The following EPB41L2 variants were observed in gnomAD, a reference collection of about 807,000 sequenced individuals.
EPB41L2 encodes erythrocyte membrane protein band 4.1 like 2.
A neutral mutation model predicts 113.0 loss-of-function variants in EPB41L2; 43 were observed. That is an observed-to-expected ratio of 0.38 (90% CI 0.30 to 0.49). The LOEUF is 0.49. Ranked by LOEUF, EPB41L2 falls within the 20% of genes least tolerant of loss-of-function variation. The pLI is 0.95. For missense variants in EPB41L2, 1,147 were observed against 1,223.4 expected (o/e 0.94, Z 0.93); for synonymous variants, 442 against 436.7 (o/e 1.01, Z -0.15).
intron 1 of EPB41L2, among the ~76,000 whole-genome samples, chr6:130,985,296 G>C (rs562854772): frequency 6.7e-6 from 1 of 149,344 alleles, no homozygotes; most frequent in African/African-American, 2.6e-5. Context: ...AGCCACATTT[G>C]GGGGGGGACT....
intron 1 of EPB41L2, among the ~76,000 whole-genome samples, chr6:131,034,896 A>G (rs556329639): frequency 2.0e-5 from 3 of 152,340 alleles, no homozygotes; most frequent in Non-Finnish European, 2.9e-5. Context: ...AGAAAAATGC[A>G]AAATCAATAT....
chr6:130,943,309 T>C (rs891677235), intron 3 of EPB41L2, among the ~76,000 whole-genome samples: 1 of 152,246 alleles, frequency 6.6e-6, no homozygotes, highest in Admixed American at 6.5e-5. Flanking sequence ...TGAGTACATA[T>C]TTTAAAGTAA....
chr6:130,954,201 C>T (rs1048609000), intron 3 of EPB41L2, among the ~76,000 whole-genome samples: 1 of 151,580 alleles, frequency 6.6e-6, no homozygotes, highest in African/African-American at 2.4e-5. Flanking sequence ...TACTGGCGCC[C>T]GCCACTACGC....
At chr6:130,887,537 A>G (rs978266135) in intron 11 of EPB41L2, among the ~76,000 whole-genome samples, 1 of 152,176 alleles carries the variant, frequency 6.6e-6, no homozygotes, top group African/African-American at 2.4e-5. Flanking sequence ...GCCCTGCATG[A>G]TCTGACCCAG....
chr6:130,933,639 T>A (rs1198130470), intron 3 of EPB41L2, among the ~76,000 whole-genome samples: 3 of 152,104 alleles, frequency 2.0e-5, no homozygotes, highest in African/African-American at 7.2e-5. Flanking sequence ...ATTCAAAAAT[T>A]AGAATGCTAG....
intron 1 of EPB41L2, among the ~76,000 whole-genome samples, chr6:131,009,215 G>A (rs1404921099): frequency 1.5e-4 from 23 of 152,166 alleles, no homozygotes; most frequent in Admixed American, 1.4e-3. Context: ...GTTCTCACGA[G>A]GTCTGATGGT....
intron 1 of EPB41L2, among the ~76,000 whole-genome samples, chr6:130,993,175 A>G (rs1052707546): frequency 2.0e-5 from 3 of 152,190 alleles, no homozygotes; most frequent in Non-Finnish European, 4.4e-5. Context: ...ATTTGATCCT[A>G]GTCACCTTTA....
chr6:130,967,308 A>G (rs1423152787), intron 1 of EPB41L2, among the ~76,000 whole-genome samples: 1 of 152,202 alleles, frequency 6.6e-6, no homozygotes, highest in African/African-American at 2.4e-5. Context: ...CTGAAAAAAA[A>G]ACTCACATAT....
intron 1 of EPB41L2, among the ~76,000 whole-genome samples, chr6:131,041,678 T>C (rs1165686271): frequency 1.3e-5 from 2 of 152,054 alleles, no homozygotes; most frequent in Non-Finnish European, 2.9e-5. Flanking sequence ...TGGGAAACTC[T>C]ATAGAGCAAA....
At chr6:130,856,450 T>G (rs1780231601) in intron 19 of EPB41L2, among the ~76,000 whole-genome samples, 1 of 152,196 alleles carries the variant, frequency 6.6e-6, no homozygotes, top group Non-Finnish European at 1.5e-5. Flanking sequence ...TGTATTTTCA[T>G]AGAAGAGAAA....
chr6:131,026,542 T>C (rs1790902104), intron 1 of EPB41L2, among the ~76,000 whole-genome samples: 1 of 152,232 alleles, frequency 6.6e-6, no homozygotes, highest in African/African-American at 2.4e-5. Flanking sequence ...TGAATCTGTG[T>C]ATCTAAAGCA....
intron 1 of EPB41L2, among the ~76,000 whole-genome samples, chr6:130,995,012 T>C (rs1192840212): frequency 1.3e-5 from 2 of 152,076 alleles, no homozygotes; most frequent in Non-Finnish European, 1.5e-5. Flanking sequence ...CCTACATATG[T>C]TGACTGATGT....
intron 1 of EPB41L2, among the ~76,000 whole-genome samples, chr6:130,988,431 A>G (rs1251112088): frequency 6.6e-6 from 1 of 152,212 alleles, no homozygotes; most frequent in Non-Finnish European, 1.5e-5. Context: ...CCCTGATCCT[A>G]TCATTTGCTA....
intron 1 of EPB41L2, among the ~76,000 whole-genome samples, chr6:131,061,511 C>G (rs9483208): frequency 8.5e-5 from 13 of 152,186 alleles, no homozygotes; most frequent in African/African-American, 3.1e-4. Flanking sequence ...TGGCCCTTAT[C>G]ACAATTCAAG....
Position 130,892,876 on chromosome 6 carries a change from T to A in EPB41L2, c.1487+1468A>T, listed in dbSNP as rs555145295. Among the ~76,000 whole-genome samples the A allele has an allele frequency of 3.9e-5, 6 of 152,264 alleles. 1 individual carries two copies. In the South Asian group the frequency reaches 1.2e-3, roughly 32 times the overall value. ...TACTAGTATTACTATCATATATGGA[T>A]GATGGAAGTGAAGCAGAGAGGTTGG... On this transcript the variant is annotated intron_variant, in intron 10 of 19. Transcript: ENST00000337057.
At chr6:130,909,388 A>G (rs189839805) in intron 4 of EPB41L2, among the ~76,000 whole-genome samples, 4 of 152,294 alleles carry the variant, frequency 2.6e-5, no homozygotes, top group Admixed American at 2.6e-4. Flanking sequence ...AAGGAGAGGT[A>G]AGGTCAGGTT....
At chr6:130,860,555 C>T (rs556934670) in intron 18 of EPB41L2, among the ~76,000 whole-genome samples, 35 of 152,180 alleles carry the variant, frequency 2.3e-4, no homozygotes, top group African/African-American at 6.5e-4. Flanking sequence ...TTTTTTGAGA[C>T]GGAGTCTCGC....
chr6:130,843,674 C>T (rs1284232441), intron 19 of EPB41L2, among the ~76,000 whole-genome samples: 2 of 152,196 alleles, frequency 1.3e-5, no homozygotes, highest in Non-Finnish European at 2.9e-5. Context: ...CCAAGTGTCA[C>T]TGTTCCACCC....
rs746178702 is a variant in EPB41L2, at chr6:130,885,207, A to G, written c.1722T>C (p.Ile574=). 6.2e-7 allele frequency: 1 copy of G among 1,614,134 alleles called. No individual in the cohort carries two copies. The highest frequency in any genetic ancestry group is 1.1e-5 in the South Asian group (1 of 91,086). Residue 574 remains isoleucine, a synonymous_variant, in exon 12 of 20, where the codon ATT becomes ATC. Transcript: ENST00000337057. ...MKDFPGAAGE[I]SAYGPGLVSI... ...TGACAAGTCCAGGTCCATAGGCTGA[A>G]ATCTCCCCAGCAGCGCCAGGAAAAT...
Sources: gnomAD v4.1 joint callset for allele counts (sites outside exome capture counted in the v4.1 genomes callset) on GRCh38, gnomAD v4.1.1 for gene constraint, MANE v1.5 for transcripts, NCBI Gene and HGNC (gene_info 2026-07-23, HGNC 2026-07-21) for gene names.